C2CD2: variants seen among roughly 807,000 people sequenced by gnomAD.
C2CD2 encodes C2 domain-containing protein 2.
C2CD2 carries 43 observed loss-of-function variants against 74.3 expected under a neutral mutation model. The observed-to-expected ratio is 0.58, with a 90% CI of 0.45 to 0.75. The LOEUF is 0.75. C2CD2 is among the 30% of genes least tolerant of loss of function. The probability of loss-of-function intolerance (pLI) is 0.00; values close to 1 mark genes in which losing one functional copy is unlikely to be tolerated. For missense variants in C2CD2, 801 were observed against 916.3 expected, an observed-to-expected ratio of 0.87 and a Z score of 1.63; for synonymous variants, 422 against 390.7, an observed-to-expected ratio of 1.08 and a Z score of -0.94.
In C2CD2 at chr21:41,888,918, C is replaced by T; in HGVS notation, c.*206G>A. On this transcript the variant is annotated 3_prime_UTR_variant, in exon 14 of 14. Transcript: ENST00000380486. ...TCAAGTCTCATTTAGCATCTGGTGG[C>T]AAGTTGGGCTTTTTTGTCCTCTCTG... 5.0e-6 allele frequency: 3 copies of T among 595,210 alleles called. No individual in the cohort carries two copies. The highest frequency in any genetic ancestry group is 9.0e-6 in the Non-Finnish European group (3 of 334,602). 36.9% of individuals were successfully genotyped at this position (595,210 alleles called of 1,614,324 possible). A position where few individuals can be genotyped will look rare whatever the true frequency, so the allele number is the denominator to read the frequency against.
At chr21:41,951,962 G>A (rs1325218829) in intron 1 of C2CD2, among the ~76,000 whole-genome samples, 1 of 152,182 alleles carries the variant, frequency 6.6e-6, no homozygotes, top group African/African-American at 2.4e-5. Context: ...GCCCAATCAA[G>A]CCACCAGCCT....
rs913087986 is a variant in C2CD2, at chr21:41,945,455, T to A, written c.280-3210A>T. Among the ~76,000 whole-genome samples, 1 of 148,938 alleles carries A rather than the reference T, an allele frequency of 6.7e-6. No homozygotes were observed. The highest frequency in any genetic ancestry group is 1.5e-5 in the Non-Finnish European group (1 of 67,428). ...AAGAAGTGGCTGAATCCAGGGCCTG[T>A]GGGGAGCCAAAAACAAATATTTTGT... On this transcript the variant is annotated intron_variant, in intron 1 of 13. Coordinates refer to ENST00000380486, the MANE Select transcript of C2CD2 (RefSeq NM_015500.2). This position sits in a 1 kb window ranked among gnomAD's most constrained non-coding sequence, Gnocchi z 4.2.
intron 3 of C2CD2, 47 bp downstream of exon 3, chr21:41,921,925 G>A: frequency 1.7e-6 from 2 of 1,163,462 alleles, no homozygotes; most frequent in Middle Eastern, 1.9e-4. Context: ...TCACATTTCT[G>A]AGAACTGTGA....
In C2CD2 at chr21:41,921,965, T is replaced by C. The variant is rs541447682; in HGVS notation, c.492+7A>G. ...TCTCATAACTTGCAAAGTCTACACA[T>C]CTTTACCTGTAAATGGAAAGGGGAG... On this transcript the variant is annotated splice_region_variant and intron_variant, in intron 3 of 13. Transcript: ENST00000380486. 1.3e-6 allele frequency: 2 copies of C among 1,588,222 alleles called. No homozygotes were observed. The highest frequency in any genetic ancestry group is 1.7e-5 in the Admixed American group (1 of 59,966).
rs909533616 is a variant in C2CD2, at chr21:41,887,438, T to C, written c.*1686A>G. The C allele has an allele frequency of 3.3e-5, 5 of 151,264 alleles. No homozygotes were observed. Among genetic ancestry groups the C allele is most frequent in the Admixed American group, 3.3e-4 (5 of 15,134 alleles). The allele number at this position is 151,264 out of a possible 1,614,324, so 9.4% of individuals were successfully genotyped here. ...TCCTAATGTCGTTTTCTAATCTCTC[T>C]CTCTAAAAAAGAAGAAAAAAAAATC... On this transcript the variant is annotated 3_prime_UTR_variant, in exon 14 of 14. Coordinates refer to ENST00000380486, the MANE Select transcript of C2CD2 (RefSeq NM_015500.2).
At position 41,894,768 on chromosome 21, in the gene C2CD2, G is replaced by A. The variant is rs181878942; in HGVS notation, c.1870+4285C>T. On this transcript the variant is annotated intron_variant, in intron 13 of 13. Coordinates refer to ENST00000380486, the MANE Select transcript of C2CD2 (RefSeq NM_015500.2). ...TGGGAAAGCCTGTTTCGACTTGGAA[G>A]CAGATTGTTCACTATCACCTTTGGG... is the stretch of plus-strand genomic sequence containing the variant. The A allele has an allele frequency of 9.4e-4, 431 of 456,804 alleles. 5 individuals carry two copies. Among genetic ancestry groups the A allele is most frequent in the African/African-American group, 7.4e-3 (373 of 50,214 alleles). 28.3% of individuals were successfully genotyped at this position (456,804 alleles called of 1,614,324 possible). A position where few individuals can be genotyped will look rare whatever the true frequency, so the allele number is the denominator to read the frequency against.
chr21:41,921,340 G>A (rs558484887), intron 3 of C2CD2, among the ~76,000 whole-genome samples: 3 of 152,314 alleles, frequency 2.0e-5, no homozygotes, highest in South Asian at 2.1e-4. Context: ...ATATCTGGCC[G>A]GATGTGAGAG....
rs1225154140 is a variant in C2CD2, at chr21:41,942,265, T to C, written c.280-20A>G. The C allele has an allele frequency of 6.5e-7, 1 of 1,535,264 alleles. No individual in the cohort carries two copies. The highest frequency in any genetic ancestry group is 8.8e-7 in the Non-Finnish European group (1 of 1,133,528). ...TGGGCCCTGGAACAGAGGGGCAGCATGAGGAGGGCATGCACAGGAGGGGCT... is the reference window on the plus strand; with the variant it reads ...TGGGCCCTGGAACAGAGGGGCAGCACGAGGAGGGCATGCACAGGAGGGGCT... On this transcript the variant is annotated intron_variant, in intron 1 of 13. Transcript: ENST00000380486.
Position 41,918,965 on chromosome 21 carries a change from T to TA in C2CD2, c.493-6dup. ...CTCCTTCATGTGGAACTCCAGCTAT[T>TA]AAAAAACAAGTTATTAGAGGGCCAC... On this transcript the variant is annotated splice_polypyrimidine_tract_variant and splice_region_variant and intron_variant, in intron 3 of 13. Transcript: ENST00000380486. 6.2e-7 allele frequency: 1 copy of TA among 1,609,044 alleles called. No homozygotes were observed. The highest frequency in any genetic ancestry group is 2.2e-5 in the East Asian group (1 of 44,862).
In C2CD2 at chr21:41,896,097, C is replaced by T. The variant is rs140013720; in HGVS notation, c.1870+2956G>A. On this transcript the variant is annotated intron_variant, in intron 13 of 13. Transcript: ENST00000380486. ...AACTAGCAACCTAGGAGGGTAAAGG[C>T]GGAGTTGGGAGGGAACACGAGGCAG... 5.9e-3 allele frequency among the ~76,000 whole-genome samples: 900 copies of T among 152,246 alleles called. 6 individuals carry two copies. The highest frequency in any genetic ancestry group is 0.034 in the Middle Eastern group (10 of 294).
At chr21:41,938,404 C>T (rs558002990) in intron 2 of C2CD2, among the ~76,000 whole-genome samples, 16 of 152,262 alleles carry the variant, frequency 1.1e-4, no homozygotes, top group South Asian at 2.1e-4. Context: ...GTAAAATACA[C>T]ATAAAACTGA....
At chr21:41,911,912 G>A (rs1269904143) in intron 7 of C2CD2, among the ~76,000 whole-genome samples, 2 of 152,122 alleles carry the variant, frequency 1.3e-5, no homozygotes, top group Non-Finnish European at 2.9e-5. Flanking sequence ...ATGTTGCTCA[G>A]GCTGGTCTTA....
rs781163100 is a variant in C2CD2, at chr21:41,907,019, C to T, written c.1291G>A (p.Val431Met). 1.2e-5 allele frequency: 20 copies of T among 1,613,896 alleles called. No homozygotes were observed. In the East Asian group the frequency reaches 2.0e-4, roughly 16 times the overall value. The change falls in exon 10 of 14, where the codon GTG (valine) becomes ATG (methionine). Residue 431 changes from valine to methionine, a missense_variant. Val to Met is a conservative substitution (Grantham distance 21, BLOSUM62 1). Coordinates refer to ENST00000380486, the MANE Select transcript of C2CD2 (RefSeq NM_015500.2). ...GAGCTCAGCGGGGACGCCCTCCCCACGTCGACGCGAGGCTTGGTCTTCACA... is the reference window on the plus strand; with the variant it reads ...GAGCTCAGCGGGGACGCCCTCCCCATGTCGACGCGAGGCTTGGTCTTCACA... The part of the protein sequence containing the change: ...TAVKTKPRVD[V>M]GRASPLSSDS...
chr21:41,918,292 G>A (rs1343098488), intron 4 of C2CD2, 65 bp from the exon 5 acceptor site: 23 of 1,540,268 alleles, frequency 1.5e-5, no homozygotes, highest in African/African-American at 4.1e-5. Flanking sequence ...CCAATCTCAC[G>A]TCTTCAGGTG....
chr21:41,902,562 G>C (rs542856559), intron 11 of C2CD2, among the ~76,000 whole-genome samples: 1 of 152,330 alleles, frequency 6.6e-6, no homozygotes, highest in African/African-American at 2.4e-5. Flanking sequence ...GCTGATGCTT[G>C]TAACTTACAC....
At chr21:41,897,199 G>T (rs2064833954) in intron 13 of C2CD2, among the ~76,000 whole-genome samples, 1 of 152,224 alleles carries the variant, frequency 6.6e-6, no homozygotes, top group African/African-American at 2.4e-5. Context: ...CCAGACAGGG[G>T]GAAGGAGGAG....
At chr21:41,932,397 T>TA (rs1197942668) in intron 2 of C2CD2, among the ~76,000 whole-genome samples, 2 of 148,584 alleles carry the variant, frequency 1.3e-5, no homozygotes, top group African/African-American at 2.4e-5. Context: ...GCCGCTCTAG[T>TA]AAAATATGTG....
At chr21:41,900,423 C>T (rs1007504094) in intron 12 of C2CD2, among the ~76,000 whole-genome samples, 1 of 152,132 alleles carries the variant, frequency 6.6e-6, no homozygotes, top group East Asian at 1.9e-4. Flanking sequence ...GGGGAGATGA[C>T]CACGAGTCTT....
rs1391153182 is a variant in C2CD2 at position 41,932,388 on chromosome 21, C to A, written c.378+9759G>T. 2.0e-5 allele frequency among the ~76,000 whole-genome samples: 3 copies of A among 150,314 alleles called. No individual in the cohort carries two copies. In the Admixed American group the frequency reaches 2.0e-4, roughly 10 times the overall value. ...GTTTTCCTGAGTTCTGTGCTATGAG[C>A]CGCTCTAGTAAAATATGTGAACCTC... On this transcript the variant is annotated intron_variant, in intron 2 of 13. Coordinates refer to ENST00000380486, the MANE Select transcript of C2CD2 (RefSeq NM_015500.2).
Sources: allele counts gnomAD v4.1 joint callset (sites outside exome capture counted in the v4.1 genomes callset), GRCh38; gene constraint gnomAD v4.1.1; non-coding constraint Gnocchi (gnomAD v3.1); transcripts MANE v1.5; gene names NCBI Gene and HGNC (gene_info 2026-07-23, HGNC 2026-07-21).